The following FETUB variants were observed in gnomAD, a reference collection of about 807,000 sequenced individuals.
FETUB encodes the protein fetuin B.
In FETUB, 28 loss-of-function variants were observed where a neutral mutation model predicts 30.9. That is an observed-to-expected ratio of 0.90 (90% CI 0.67 to 1.24). The LOEUF (loss-of-function observed/expected upper bound fraction) is 1.24, where lower values mean the gene tolerates loss of function less well. FETUB is among the 50% of genes most tolerant of loss of function. FETUB has a pLI of 0.00. For synonymous variants in FETUB, 186 were observed against 175.9 expected (o/e 1.06, Z -0.45); for missense variants, 469 against 455.3 (o/e 1.03, Z -0.27).
intron 4 of FETUB, among the ~76,000 whole-genome samples, chr3:186,645,502 T>C (rs1427411270): frequency 2.6e-5 from 4 of 152,146 alleles, no homozygotes; most frequent in Non-Finnish European, 5.9e-5. Flanking sequence ...TAATTTTATA[T>C]TTTTTGTAGA....
chr3:186,646,071 A>G (rs1470911856), intron 4 of FETUB, among the ~76,000 whole-genome samples, 177 bp from the exon 5 acceptor site: 2 of 152,224 alleles, frequency 1.3e-5, no homozygotes, highest in African/African-American at 2.4e-5. Flanking sequence ...TGTTTTCTTA[A>G]TAACTAAATC....
Position 186,640,645 on chromosome 3 carries a change from TGA to T in FETUB, c.188_189del (p.Arg63ThrfsTer29), listed in dbSNP as rs544439289. The T allele has an allele frequency of 1.1e-3, 1,762 of 1,614,132 alleles. 4 individuals carry two copies. The highest frequency in any genetic ancestry group is 1.3e-3 in the Non-Finnish European group (1,592 of 1,180,008). The stretch of plus-strand genomic sequence containing the variant: ...AAAGACAGAAAGGATGGCTATGTGC[TGA>T]GACTCAACCGAGTGAACGACGCCCA... On this transcript the variant is annotated frameshift_variant, in exon 1 of 7. Transcript: ENST00000265029. LOFTEE classifies it high-confidence loss of function.
intron 5 of FETUB, among the ~76,000 whole-genome samples, chr3:186,648,339 T>C (rs1228980927): frequency 7.2e-6 from 1 of 138,586 alleles, no homozygotes; most frequent in African/African-American, 2.7e-5. Flanking sequence ...TTTTATTCCA[T>C]TGATCTACAC....
At position 186,644,842 on chromosome 3, in the gene FETUB, C is replaced by T. The variant is rs267599724; in HGVS notation, c.516C>T (p.Thr172=). ...ATCACCAAGTGCTGGAGGCTGCCAC[C>T]GAGTCTCTTGCGAAATACAACAATG... is the stretch of plus-strand genomic sequence containing the variant. ...SSNHQVLEAA[T]ESLAKYNNEN... Residue 172 remains threonine, a synonymous_variant, in exon 4 of 7, where the codon ACC becomes ACT. Transcript: ENST00000265029. The T allele has an allele frequency of 9.3e-6, 15 of 1,613,792 alleles. No individual in the cohort carries two copies. The highest frequency in any genetic ancestry group is 2.2e-5 in the South Asian group (2 of 91,070).
intron 5 of FETUB, among the ~76,000 whole-genome samples, chr3:186,648,167 G>C (rs182895852): frequency 1.6e-4 from 24 of 152,040 alleles, no homozygotes; most frequent in Non-Finnish European, 3.5e-4. Flanking sequence ...TTTTGTACAC[G>C]GTGTGAGGCA....
intron 3 of FETUB, among the ~76,000 whole-genome samples, chr3:186,643,349 G>A (rs567958062): frequency 9.0e-4 from 137 of 152,170 alleles, no homozygotes; most frequent in Non-Finnish European, 1.6e-3. Flanking sequence ...TTTTTTCAAG[G>A]GAAGGTCTTT....
intron 4 of FETUB, 108 bp from the exon 5 acceptor site, chr3:186,646,140 A>G: frequency 2.7e-6 from 2 of 729,182 alleles, no homozygotes; most frequent in Non-Finnish European, 2.4e-6. Flanking sequence ...TGCCTTGACA[A>G]TGCCTCTGGT....
At chr3:186,639,150 C>T (rs1716864556), upstream of FETUB, among the ~76,000 whole-genome samples, 1 of 152,216 alleles carries the variant, frequency 6.6e-6, no homozygotes, top group African/African-American at 2.4e-5. Context: ...GCTATACCTG[C>T]TGAGAGCCTT....
Position 186,652,147 on chromosome 3 carries a change from T to C in FETUB, c.781-116T>C, listed in dbSNP as rs150847443. The C allele has an allele frequency of 2.7e-4, 330 of 1,228,640 alleles. 1 individual carries two copies. In the African/African-American group the frequency reaches 3.3e-3, roughly 12 times the overall value. The allele number at this position is 1,228,640 out of a possible 1,614,324, so 76.1% of individuals were successfully genotyped here. On this transcript the variant is annotated intron_variant, in intron 6 of 6. Coordinates refer to ENST00000265029, the MANE Select transcript of FETUB (RefSeq NM_014375.3). ...CCTTTCACCAGGAGGCCCATCCCTCTACCTAGTCTCCCTTTGAAATGTTCC... is the reference window on the plus strand; with the variant it reads ...CCTTTCACCAGGAGGCCCATCCCTCCACCTAGTCTCCCTTTGAAATGTTCC...
chr3:186,641,046 T>C lies in FETUB; in HGVS notation c.242T>C (p.Leu81Pro). Residue 81 changes from leucine to proline, a missense_variant, in exon 2 of 7, where the codon CTG (leucine) becomes CCG (proline). Leu to Pro is a moderately conservative substitution (Grantham distance 98). Transcript: ENST00000265029. Reference sequence around the variant, plus strand: ...TTCCCACAGGGTGGCCTGGGATCTCTGTTCTATCTTACACTGGATGTGCTA... The same window carrying C: ...TTCCCACAGGGTGGCCTGGGATCTCCGTTCTATCTTACACTGGATGTGCTA... ...QEYRRGGLGSLFYLTLDVLET... is the reference protein window; with the variant it reads ...QEYRRGGLGSPFYLTLDVLET... 2 of 1,613,328 alleles carry C rather than the reference T, an allele frequency of 1.2e-6. No individual in the cohort carries two copies. Among genetic ancestry groups the C allele is most frequent in the South Asian group, 2.2e-5 (2 of 91,060 alleles).
intron 5 of FETUB, among the ~76,000 whole-genome samples, chr3:186,648,313 A>G (rs145337875): frequency 7.2e-4 from 109 of 152,192 alleles, no homozygotes; most frequent in African/African-American, 2.4e-3. Context: ...GTAAGAGTTT[A>G]TTTCTTTAAT....
At chr3:186,651,169 A>G (rs774197348) in intron 5 of FETUB, 49 bp from the exon 6 acceptor site, 2 of 1,246,334 alleles carry the variant, frequency 1.6e-6, no homozygotes, top group East Asian at 2.3e-5. Context: ...GTTGATTTCC[A>G]TCTGTGATCA....
upstream of FETUB, chr3:186,636,018 C>T (rs906069994): frequency 7.9e-5 from 12 of 152,300 alleles, no homozygotes; most frequent in African/African-American, 2.9e-4. Flanking sequence ...AGGCATCAGT[C>T]TCCAGTACAA....
chr3:186,644,077 G>T (rs577080738), intron 3 of FETUB, among the ~76,000 whole-genome samples: 2 of 152,194 alleles, frequency 1.3e-5, no homozygotes, highest in Admixed American at 6.5e-5. Flanking sequence ...ATCGGATTAG[G>T]TTATTAGTAT....
At chr3:186,639,655 T>TG (rs540957481), upstream of FETUB, among the ~76,000 whole-genome samples, 3 of 129,496 alleles carry the variant, frequency 2.3e-5, no homozygotes, top group Non-Finnish European at 4.8e-5. Flanking sequence ...AAATAGAAGC[T>TG]AAAAAAAAAA....
At chr3:186,637,532 G>C (rs1716810058), upstream of FETUB, among the ~76,000 whole-genome samples, 2 of 152,182 alleles carry the variant, frequency 1.3e-5, no homozygotes, top group Admixed American at 1.3e-4. Context: ...ATAATCCTAA[G>C]TCACTGCCCT....
At chr3:186,645,149 C>T (rs1179139081) in intron 4 of FETUB, among the ~76,000 whole-genome samples, 2 of 152,170 alleles carry the variant, frequency 1.3e-5, no homozygotes, top group African/African-American at 4.8e-5. Context: ...GCTTCCCTAA[C>T]CTTAAGGCAA....
upstream of FETUB, among the ~76,000 whole-genome samples, chr3:186,639,722 T>C (rs891511278): frequency 6.6e-6 from 1 of 150,900 alleles, no homozygotes; most frequent in East Asian, 1.9e-4. Flanking sequence ...TGCCCTTCAG[T>C]ATCTTTCTTT....
rs775456964 is a variant in FETUB at position 186,652,256 on chromosome 3, A to C, written c.781-7A>C. ...GAACTCTACATTCAAAAATGTTCTC[A>C]TTCCAGGCTCCAGCCACTGGAAGTG... is the stretch of plus-strand genomic sequence containing the variant. On this transcript the variant is annotated splice_polypyrimidine_tract_variant and splice_region_variant and intron_variant, in intron 6 of 6. Transcript: ENST00000265029. 5.2e-6 allele frequency: 8 copies of C among 1,535,744 alleles called. No homozygotes were observed. The highest frequency in any genetic ancestry group is 5.2e-6 in the Non-Finnish European group (6 of 1,146,504).
Sources: allele counts gnomAD v4.1 joint callset (sites outside exome capture counted in the v4.1 genomes callset), GRCh38; gene constraint gnomAD v4.1.1; transcripts MANE v1.5; gene names NCBI Gene and HGNC (gene_info 2026-07-23, HGNC 2026-07-21).